The following WWOX variants were observed in gnomAD, a reference collection of about 807,000 sequenced individuals.
WWOX encodes WW domain-containing oxidoreductase.
In WWOX, 69 loss-of-function variants were observed where a neutral mutation model predicts 46.2. The ratio of observed to expected loss-of-function variants is 1.49; its 90% CI spans 1.23 to 1.82. WWOX has a LOEUF of 1.82. WWOX is among the 40% of genes most tolerant of loss of function. WWOX has a pLI of 0.00. For synonymous variants in WWOX, 359 were observed against 202.6 expected, an observed-to-expected ratio of 1.77 and a Z score of -6.56; for missense variants, 919 against 542.6, an observed-to-expected ratio of 1.69 and a Z score of -6.89.
chr16:79,207,972 A>T (rs192965584), intron 8 of WWOX, among the ~76,000 whole-genome samples: 2 of 152,318 alleles, frequency 1.3e-5, no homozygotes, highest in African/African-American at 4.8e-5. Context: ...GGAAGGATGG[A>T]TAATTTAGAT....
chr16:78,785,642 C>G (rs2050437340), intron 8 of WWOX, among the ~76,000 whole-genome samples: 1 of 152,150 alleles, frequency 6.6e-6, no homozygotes, highest in African/African-American at 2.4e-5. Flanking sequence ...TTTTGCTGCG[C>G]TATTATATCC....
At chr16:78,288,987 G>A (rs560112307) in intron 5 of WWOX, among the ~76,000 whole-genome samples, 2 of 152,260 alleles carry the variant, frequency 1.3e-5, no homozygotes, top group Admixed American at 6.5e-5. Context: ...AAACTAACAC[G>A]CAGTGGGAAG....
chr16:78,147,608 T>C (rs2034242845), intron 4 of WWOX, among the ~76,000 whole-genome samples: 2 of 151,590 alleles, frequency 1.3e-5, no homozygotes, highest in South Asian at 2.1e-4. Context: ...GGCAAAGTAA[T>C]ATACCACTTT....
intron 8 of WWOX, among the ~76,000 whole-genome samples, chr16:78,696,842 A>G (rs1020652573): frequency 2.0e-5 from 3 of 152,090 alleles, no homozygotes; most frequent in Non-Finnish European, 2.9e-5. Context: ...CAGTCCCCAA[A>G]GTCCATTGTA....
chr16:78,914,806 G>A (rs1042893668), intron 8 of WWOX, among the ~76,000 whole-genome samples: 2 of 151,196 alleles, frequency 1.3e-5, no homozygotes, highest in Non-Finnish European at 2.9e-5. Context: ...GTGAACCCAG[G>A]AGGCGGAGCT....
intron 8 of WWOX, among the ~76,000 whole-genome samples, chr16:78,657,386 C>T (rs1048427154): frequency 6.6e-6 from 1 of 152,130 alleles, no homozygotes; most frequent in African/African-American, 2.4e-5. Flanking sequence ...TGTAAAGGAG[C>T]CTGTGCTTCC....
intron 8 of WWOX, among the ~76,000 whole-genome samples, chr16:79,138,059 A>G (rs1424112): frequency 0.26 from 40,181 of 152,094 alleles, 7,530 homozygotes; most frequent in African/African-American, 0.53. Flanking sequence ...TCTTGTTAAT[A>G]CTGTTCAACC....
At chr16:78,308,831 C>G (rs951162473) in intron 5 of WWOX, among the ~76,000 whole-genome samples, 7 of 152,150 alleles carry the variant, frequency 4.6e-5, no homozygotes, top group Admixed American at 1.3e-4. Flanking sequence ...AGGTGTTTAG[C>G]TAATAACACT....
intron 5 of WWOX, among the ~76,000 whole-genome samples, chr16:78,191,932 A>G (rs1014688109): frequency 1.3e-5 from 2 of 152,216 alleles, no homozygotes; most frequent in East Asian, 3.8e-4. Flanking sequence ...AAAGTATGAC[A>G]CACAGAGAAC....
chr16:78,971,052 G>T (rs542651001), intron 8 of WWOX, among the ~76,000 whole-genome samples: 1 of 150,920 alleles, frequency 6.6e-6, no homozygotes, highest in African/African-American at 2.5e-5. Flanking sequence ...TGTTTCCCAG[G>T]GTGTATATAT....
At chr16:78,195,003 C>T (rs1255086959) in intron 5 of WWOX, among the ~76,000 whole-genome samples, 1 of 152,196 alleles carries the variant, frequency 6.6e-6, no homozygotes, top group South Asian at 2.1e-4. Context: ...TGAAGGCACA[C>T]GTGGCCTTGC....
Position 78,197,081 on chromosome 16 carries a change from A to G in WWOX, c.516+32792A>G, listed in dbSNP as rs912427032. On this transcript the variant is annotated intron_variant, in intron 5 of 8. Coordinates refer to ENST00000566780, the MANE Select transcript of WWOX (RefSeq NM_016373.4). ...GAGTTGAGAGCCAGCTCTGCACCAGACTCGTATCAGCCACTTGACCTCCAT... is the reference window on the plus strand; with the variant it reads ...GAGTTGAGAGCCAGCTCTGCACCAGGCTCGTATCAGCCACTTGACCTCCAT... Among the ~76,000 whole-genome samples the G allele has an allele frequency of 3.3e-5, 5 of 152,170 alleles. No individual in the cohort carries two copies. The Middle Eastern group carries it at 0.01, about 311-fold the overall frequency.
At chr16:78,842,845 C>A (rs1204226819) in intron 8 of WWOX, among the ~76,000 whole-genome samples, 2 of 136,652 alleles carry the variant, frequency 1.5e-5, no homozygotes, top group Non-Finnish European at 3.4e-5. Context: ...AGAGTGAGAC[C>A]CTATCTCAAA....
intron 8 of WWOX, among the ~76,000 whole-genome samples, chr16:78,797,268 A>G (rs1042346779): frequency 6.7e-6 from 1 of 149,772 alleles, no homozygotes; most frequent in Non-Finnish European, 1.5e-5. Flanking sequence ...CAAGTCAGCC[A>G]CCTCTGACCC....
At position 78,132,475 on chromosome 16, in the gene WWOX, G is replaced by A. The variant is rs573685728; in HGVS notation, c.409+17321G>A. ...GTGGTCAAGTTTAATTGCTTCTTCT[G>A]TAATTTATATTAATCACGCTTCCAT... On this transcript the variant is annotated intron_variant, in intron 4 of 8. Transcript: ENST00000566780. Among the ~76,000 whole-genome samples the A allele has an allele frequency of 1.1e-3, 174 of 152,298 alleles. 2 individuals carry two copies. Among genetic ancestry groups the A allele is most frequent in the African/African-American group, 4.0e-3 (166 of 41,552 alleles).
At chr16:78,993,798 A>T (rs1299432815) in intron 8 of WWOX, among the ~76,000 whole-genome samples, 1 of 152,182 alleles carries the variant, frequency 6.6e-6, no homozygotes, top group Non-Finnish European at 1.5e-5. Context: ...TTCGTGGTGC[A>T]GCTTGGATGG....
At chr16:78,437,144 C>T (rs1225736245) in intron 8 of WWOX, among the ~76,000 whole-genome samples, 1 of 152,198 alleles carries the variant, frequency 6.6e-6, no homozygotes, top group African/African-American at 2.4e-5. Flanking sequence ...CAGACTTGCG[C>T]TCGGAAGCCC....
intron 8 of WWOX, among the ~76,000 whole-genome samples, chr16:78,443,565 T>A (rs971167509): frequency 6.6e-6 from 1 of 152,190 alleles, no homozygotes; most frequent in Non-Finnish European, 1.5e-5. Flanking sequence ...TGCCTTGCTT[T>A]ATAGTGTTTT....
intron 8 of WWOX, among the ~76,000 whole-genome samples, chr16:79,141,354 C>T (rs1305341932): frequency 6.6e-6 from 1 of 152,178 alleles, no homozygotes; most frequent in Non-Finnish European, 1.5e-5. Flanking sequence ...CCAAACTGTG[C>T]TCTGACCACT....
Sources: gnomAD v4.1 joint callset for allele counts (sites outside exome capture counted in the v4.1 genomes callset) on GRCh38, gnomAD v4.1.1 for gene constraint, MANE v1.5 for transcripts, NCBI Gene and HGNC (gene_info 2026-07-23, HGNC 2026-07-21) for gene names.